RSPH1: variants seen among roughly 807,000 people sequenced by gnomAD.
RSPH1 encodes radial spoke head 1 homolog.
Under a neutral mutation model 44.2 loss-of-function variants are expected in RSPH1, and 32 were observed. That is an observed-to-expected ratio of 0.72 (90% CI 0.55 to 0.97). The LOEUF is 0.97. Among genes scored for constraint, RSPH1 ranks in the 50% least tolerant of loss-of-function variants. The probability of loss-of-function intolerance (pLI) is 0.00; values close to 1 mark genes in which losing one functional copy is unlikely to be tolerated. For synonymous variants in RSPH1, 134 were observed against 147.3 expected, an observed-to-expected ratio of 0.91 and a Z score of 0.65; for missense variants, 391 against 398.7, an observed-to-expected ratio of 0.98 and a Z score of 0.16.
At chr21:42,475,195 A>C (rs1235101037) in intron 8 of RSPH1, among the ~76,000 whole-genome samples, 1 of 152,210 alleles carries the variant, frequency 6.6e-6, no homozygotes, top group African/African-American at 2.4e-5. Flanking sequence ...ATGAGCTGGC[A>C]GAGGCAGAAG....
Position 42,485,714 on chromosome 21 carries a change from G to A in RSPH1, c.456C>T (p.Leu152=). Residue 152 remains leucine (L), a synonymous_variant, in exon 5 of 9, where the codon CTC becomes CTT. Coordinates refer to ENST00000291536, the MANE Select transcript of RSPH1 (RefSeq NM_080860.4). ...CCTGGTACCTGTGGTTCAGGTGAAT[G>A]AGCTCGGCCGTGCCCTCCTGCTGTC... ...VNGQQEGTAE[L]IHLNHRYQGK... 6.2e-7 allele frequency: 1 copy of A among 1,614,208 alleles called. No individual in the cohort carries two copies. The highest frequency in any genetic ancestry group is 2.2e-5 in the East Asian group (1 of 44,888).
At chr21:42,477,027 G>GCCCC (rs59850424) in intron 7 of RSPH1, among the ~76,000 whole-genome samples, 3 of 33,742 alleles carry the variant, frequency 8.9e-5, no homozygotes, top group African/African-American at 2.7e-4. Flanking sequence ...CACACCCTCT[G>GCCCC]TCCCACAGCC....
At position 42,474,982 on chromosome 21, in the gene RSPH1, G is replaced by A. The variant is rs930007602; in HGVS notation, c.877+916C>T. ...GACTGCAGACCCCGTGCCTGAGGCC[G>A]CCGTGCCCAGGCTGTTCCCAGATGG... On this transcript the variant is annotated intron_variant, in intron 8 of 8. Coordinates refer to ENST00000291536, the MANE Select transcript of RSPH1 (RefSeq NM_080860.4). This position sits in a 1 kb window ranked among gnomAD's most constrained non-coding sequence, Gnocchi z 5.2. 2.0e-5 allele frequency among the ~76,000 whole-genome samples: 3 copies of A among 152,194 alleles called. No homozygotes were observed. The highest frequency in any genetic ancestry group is 2.0e-4 in the Admixed American group (3 of 15,288).
chr21:42,494,931 C>A (rs1166197395), intron 1 of RSPH1, among the ~76,000 whole-genome samples: 1 of 152,148 alleles, frequency 6.6e-6, no homozygotes, highest in Non-Finnish European at 1.5e-5. Context: ...AACTCCTGAG[C>A]TCAGGCAATC....
At chr21:42,475,766 G>A in intron 8 of RSPH1, 132 bp downstream of exon 8, 1 of 921,892 alleles carries the variant, frequency 1.1e-6, no homozygotes, top group Non-Finnish European at 1.5e-6. Flanking sequence ...GCGCTCACAG[G>A]GGGCCCCCTA....
At chr21:42,484,562 G>C (rs994382480) in intron 5 of RSPH1, 1 of 152,228 alleles carries the variant, frequency 6.6e-6, no homozygotes, top group African/African-American at 2.4e-5. Flanking sequence ...ATTGGGCCCA[G>C]GGTGGTGGGG....
intron 6 of RSPH1, among the ~76,000 whole-genome samples, chr21:42,479,192 T>A (rs566029427): frequency 6.6e-6 from 1 of 152,346 alleles, no homozygotes; most frequent in Admixed American, 6.5e-5. Context: ...TGGCAAGCCC[T>A]ACTCTAGAAG....
chr21:42,493,069 C>T lies in RSPH1; in HGVS notation c.65G>A (p.Gly22Glu). Residue 22 changes from glycine (G) to glutamate (E), a missense_variant, in exon 2 of 9, where the codon GGG becomes GAG. Gly to Glu is a moderately conservative substitution (Grantham distance 98, BLOSUM62 -2). Transcript: ENST00000291536. ...CCTTTCGCCTGCCTCATTCCGACCC[C>T]CCTCATATTCCTGGGTAATGAAAAT... ...EGENDIGEYE[G>E]GRNEAGERHG... 6.2e-7 allele frequency: 1 copy of T among 1,613,720 alleles called. No homozygotes were observed. Among genetic ancestry groups the T allele is most frequent in the Non-Finnish European group, 8.5e-7 (1 of 1,179,740 alleles).
In RSPH1 at chr21:42,472,641, C is replaced by T; in HGVS notation, c.*177G>A. 2.1e-6 allele frequency: 1 copy of T among 483,648 alleles called. No individual in the cohort carries two copies. The highest frequency in any genetic ancestry group is 3.7e-6 in the Non-Finnish European group (1 of 269,888). The allele number at this position is 483,648 out of a possible 1,614,324, so 30.0% of individuals were successfully genotyped here. A position where few individuals can be genotyped will look rare whatever the true frequency, so the allele number is the denominator to read the frequency against. On this transcript the variant is annotated 3_prime_UTR_variant, in exon 9 of 9. Coordinates refer to ENST00000291536, the MANE Select transcript of RSPH1 (RefSeq NM_080860.4). ...TTTTTTGAGACAGGGTCTCGCTCTG[C>T]CACCCAGGCTGGAGAGCAGTGGCGC...
At chr21:42,487,428 A>C (rs2054191424) in intron 3 of RSPH1, among the ~76,000 whole-genome samples, 1 of 152,240 alleles carries the variant, frequency 6.6e-6, no homozygotes, top group Non-Finnish European at 1.5e-5. Context: ...TTGTTGATCA[A>C]AGAGAAAAGA....
At chr21:42,492,691 A>G in intron 3 of RSPH1, 67 bp downstream of exon 3, 1 of 886,218 alleles carries the variant, frequency 1.1e-6, no homozygotes, top group Non-Finnish European at 1.9e-6. Flanking sequence ...GTATTCACAG[A>G]CAAGTTCAGT....
At chr21:42,479,548 T>A (rs1194236877) in intron 6 of RSPH1, among the ~76,000 whole-genome samples, 5 of 152,182 alleles carry the variant, frequency 3.3e-5, no homozygotes, top group Non-Finnish European at 5.9e-5. Context: ...CCAGTAACCC[T>A]AAACAGTTAT....
intron 3 of RSPH1, among the ~76,000 whole-genome samples, chr21:42,489,381 T>C (rs968846924): frequency 6.6e-6 from 1 of 152,146 alleles, no homozygotes; most frequent in African/African-American, 2.4e-5. Flanking sequence ...AGTTGGCTGG[T>C]TGGTTGATTG....
At chr21:42,482,372 T>C (rs1450919312) in intron 6 of RSPH1, among the ~76,000 whole-genome samples, 1 of 152,222 alleles carries the variant, frequency 6.6e-6, no homozygotes, top group East Asian at 1.9e-4. Context: ...CGTGAGCCAT[T>C]GTGCCCTGCC....
chr21:42,472,957 A>C, intron 8 of RSPH1, 87 bp from the exon 9 acceptor site: 1 of 950,450 alleles, frequency 1.1e-6, no homozygotes, highest in Non-Finnish European at 1.6e-6. Context: ...TCTTTTGCCG[A>C]AAAAAATTAT....
At chr21:42,487,680 T>A (rs2054193805) in intron 3 of RSPH1, among the ~76,000 whole-genome samples, 1 of 152,250 alleles carries the variant, frequency 6.6e-6, no homozygotes, top group Non-Finnish European at 1.5e-5. Context: ...TTCTTTTTTT[T>A]AAAGAGGTTC....
chr21:42,481,717 G>A (rs1188864791), intron 6 of RSPH1, among the ~76,000 whole-genome samples: 1 of 152,178 alleles, frequency 6.6e-6, no homozygotes, highest in Non-Finnish European at 1.5e-5. Context: ...GTCAGGAAAT[G>A]TTGCTGAATT....
chr21:42,485,573 C>G (rs759965255), intron 5 of RSPH1, 96 bp downstream of exon 5: 2 of 1,447,978 alleles, frequency 1.4e-6, no homozygotes, highest in Non-Finnish European at 1.9e-6. Flanking sequence ...TCAGTTTTCT[C>G]TGAGTTTTTG....
intron 7 of RSPH1, among the ~76,000 whole-genome samples, 193 bp from the exon 8 acceptor site, chr21:42,476,240 T>C (rs1332772107): frequency 6.6e-6 from 1 of 151,868 alleles, no homozygotes; most frequent in Non-Finnish European, 1.5e-5. Flanking sequence ...GTCCCCACTG[T>C]AGTCAGTGGC....
Sources: gnomAD v4.1 joint callset for allele counts (sites outside exome capture counted in the v4.1 genomes callset) on GRCh38, gnomAD v4.1.1 for gene constraint, Gnocchi (gnomAD v3.1) non-coding constraint, MANE v1.5 for transcripts, NCBI Gene and HGNC (gene_info 2026-07-23, HGNC 2026-07-21) for gene names.